The following ZHX2 variants were observed in gnomAD, a reference collection of about 807,000 sequenced individuals.
The protein encoded by ZHX2 is zinc fingers and homeoboxes protein 2.
ZHX2 carries 6 observed loss-of-function variants against 21.9 expected under a neutral mutation model. The observed-to-expected ratio is 0.27, with a 90% CI of 0.15 to 0.54. ZHX2 has a LOEUF of 0.54. Ranked by LOEUF, ZHX2 falls within the 20% of genes least tolerant of loss-of-function variation. The pLI is 0.95. For missense variants in ZHX2, 908 were observed against 1,090.7 expected, an observed-to-expected ratio of 0.83 and a Z score of 2.36; for synonymous variants, 434 against 437.1, an observed-to-expected ratio of 0.99 and a Z score of 0.09.
At chr8:122,970,419 GC>G (rs776453950) in intron 3 of ZHX2, among the ~76,000 whole-genome samples, 19 of 152,212 alleles carry the variant, frequency 1.2e-4, no homozygotes, top group Non-Finnish European at 2.1e-4. Context: ...CAGCCTGCTT[GC>G]TTTGCACCCT....
At position 122,783,000 on chromosome 8, in the gene ZHX2, G is replaced by C. The variant is rs566418465; in HGVS notation, c.-283+1054G>C. On this transcript the variant is annotated intron_variant, in intron 1 of 3. Coordinates refer to ENST00000314393, the MANE Select transcript of ZHX2 (RefSeq NM_014943.5). This position sits in a 1 kb window ranked among gnomAD's most constrained non-coding sequence, Gnocchi z 5.3. ...ATGAGCGGAAAGTTGGAAACCAGCA[G>C]GCATCACAGGACGGTCCCTTTGGCC... 6.6e-6 allele frequency among the ~76,000 whole-genome samples: 1 copy of C among 152,344 alleles called. No individual in the cohort carries two copies. Among genetic ancestry groups the C allele is most frequent in the African/African-American group, 2.4e-5 (1 of 41,584 alleles).
chr8:122,909,277 C>T (rs938259070), intron 2 of ZHX2, among the ~76,000 whole-genome samples: 1 of 151,650 alleles, frequency 6.6e-6, no homozygotes, highest in African/African-American at 2.4e-5. Flanking sequence ...ACTAAAAATA[C>T]AAAAAATTAG....
chr8:122,786,983 C>T (rs980417400), intron 1 of ZHX2, among the ~76,000 whole-genome samples: 1 of 151,664 alleles, frequency 6.6e-6, no homozygotes, highest in Non-Finnish European at 1.5e-5. Flanking sequence ...TCTCTAATGC[C>T]CCCACCCTAC....
At chr8:122,791,814 G>A (rs1416037575) in intron 1 of ZHX2, among the ~76,000 whole-genome samples, 7 of 150,322 alleles carry the variant, frequency 4.7e-5, no homozygotes, top group Admixed American at 2.0e-4. Flanking sequence ...GCAATGAGCC[G>A]AGATCATGCC....
intron 1 of ZHX2, among the ~76,000 whole-genome samples, chr8:122,833,754 T>C (rs956295698): frequency 6.6e-6 from 1 of 152,028 alleles, no homozygotes; most frequent in Admixed American, 6.6e-5. Context: ...CCCAGCACTG[T>C]GGGAGGCCGA....
intron 2 of ZHX2, among the ~76,000 whole-genome samples, chr8:122,897,789 CCAG>C (rs1820135345): frequency 6.6e-6 from 1 of 152,100 alleles, no homozygotes; most frequent in African/African-American, 2.4e-5. Flanking sequence ...CTCTGGGTAA[CCAG>C]ATGGTTGGAA....
At chr8:122,890,350 G>A (rs1237367428) in intron 2 of ZHX2, among the ~76,000 whole-genome samples, 4 of 152,078 alleles carry the variant, frequency 2.6e-5, no homozygotes, top group Non-Finnish European at 5.9e-5. Flanking sequence ...ATACTGTTTT[G>A]TTAACTATAG....
At chr8:122,785,002 C>A (rs1046071846) in intron 1 of ZHX2, among the ~76,000 whole-genome samples, 1 of 152,212 alleles carries the variant, frequency 6.6e-6, no homozygotes, top group Non-Finnish European at 1.5e-5. Flanking sequence ...ATACACACCC[C>A]CTGCCCTCTA....
At chr8:122,797,939 C>T (rs1780858496) in intron 1 of ZHX2, among the ~76,000 whole-genome samples, 1 of 152,200 alleles carries the variant, frequency 6.6e-6, no homozygotes, top group South Asian at 2.1e-4. Context: ...ATTCTCAGAA[C>T]TGCACAGATT....
At chr8:122,827,266 G>A (rs1419001788) in intron 1 of ZHX2, among the ~76,000 whole-genome samples, 5 of 152,120 alleles carry the variant, frequency 3.3e-5, no homozygotes, top group Admixed American at 3.3e-4. Flanking sequence ...TCAAACTCTT[G>A]GACTCAGGTG....
chr8:122,964,212 G>A (rs1459149590), intron 3 of ZHX2, among the ~76,000 whole-genome samples: 2 of 152,138 alleles, frequency 1.3e-5, no homozygotes, highest in Non-Finnish European at 2.9e-5. Flanking sequence ...GGACATCTTT[G>A]TCTTGTTCCG....
Position 122,952,756 on chromosome 8 carries a change from C to G in ZHX2, c.1246C>G (p.Pro416Ala), listed in dbSNP as rs551375058. ...KRPLVTPQAAPEPKRPHIAQV... is the reference protein window; with the variant it reads ...KRPLVTPQAAAEPKRPHIAQV... ...ACCCTTGGTGACTCCCCAAGCTGCC[C>G]CCGAACCCAAGCGTCCACACATCGC... Residue 416 changes from proline (P) to alanine (A), a missense_variant, in exon 3 of 4, where the codon CCC (proline) becomes GCC (alanine). Coordinates refer to ENST00000314393, the MANE Select transcript of ZHX2 (RefSeq NM_014943.5). This position sits in a 1 kb window ranked among gnomAD's most constrained non-coding sequence, Gnocchi z 6.9. The G allele has an allele frequency of 6.2e-7, 1 of 1,614,136 alleles. No individual in the cohort carries two copies. The highest frequency in any genetic ancestry group is 8.5e-7 in the Non-Finnish European group (1 of 1,180,026).
chr8:122,900,531 A>G (rs1820203801), intron 2 of ZHX2, among the ~76,000 whole-genome samples: 1 of 152,202 alleles, frequency 6.6e-6, no homozygotes, highest in Non-Finnish European at 1.5e-5. Context: ...GGAGGGGTCA[A>G]ATATCTAAAC....
intron 3 of ZHX2, among the ~76,000 whole-genome samples, chr8:122,967,641 A>G (rs1169034855): frequency 1.3e-5 from 2 of 152,210 alleles, no homozygotes; most frequent in Non-Finnish European, 2.9e-5. Flanking sequence ...CCAGCAGTAA[A>G]ATTGCCACAT....
At chr8:122,910,859 A>C (rs977220993) in intron 2 of ZHX2, among the ~76,000 whole-genome samples, 1 of 152,144 alleles carries the variant, frequency 6.6e-6, no homozygotes, top group Non-Finnish European at 1.5e-5. Flanking sequence ...TCACTTACGA[A>C]GCACAAATTC....
chr8:122,915,558 G>A (rs777300305), intron 2 of ZHX2, among the ~76,000 whole-genome samples: 10 of 152,188 alleles, frequency 6.6e-5, no homozygotes, highest in Non-Finnish European at 1.3e-4. Flanking sequence ...GTGGAAAATC[G>A]TTCATCTCTT....
intron 2 of ZHX2, among the ~76,000 whole-genome samples, chr8:122,928,336 AG>A (rs1264980309): frequency 6.6e-6 from 1 of 152,184 alleles, no homozygotes; most frequent in Non-Finnish European, 1.5e-5. Context: ...TGCCTACACC[AG>A]GGGTCTGTCT....
intron 1 of ZHX2, among the ~76,000 whole-genome samples, chr8:122,852,707 A>G (rs1237590915): frequency 1.3e-5 from 2 of 152,182 alleles, no homozygotes; most frequent in Admixed American, 1.3e-4. Flanking sequence ...CGTGAATGCA[A>G]AAGGAGAGTA....
At chr8:122,894,281 C>T (rs149199615) in intron 2 of ZHX2, among the ~76,000 whole-genome samples, 28 of 152,276 alleles carry the variant, frequency 1.8e-4, no homozygotes, top group South Asian at 6.2e-4. Flanking sequence ...AATAAATTAC[C>T]CTGTACCACC....
Sources: gnomAD v4.1 joint callset for allele counts (sites outside exome capture counted in the v4.1 genomes callset) on GRCh38, gnomAD v4.1.1 for gene constraint, Gnocchi (gnomAD v3.1) non-coding constraint, MANE v1.5 for transcripts, NCBI Gene and HGNC (gene_info 2026-07-23, HGNC 2026-07-21) for gene names.